The following EXT1 variants were observed in gnomAD, a reference collection of about 807,000 sequenced individuals.
The protein encoded by EXT1 is exostosin-1.
In EXT1, 20 loss-of-function variants were observed where a neutral mutation model predicts 82.5. The observed-to-expected ratio is 0.24, with a 90% confidence interval of 0.17 to 0.35. The LOEUF is 0.35. Among genes scored for constraint, EXT1 ranks in the 10% least tolerant of loss-of-function variants. EXT1 has a pLI of 1.00. For missense variants in EXT1, 757 were observed against 936.5 expected (o/e 0.81, Z 2.50); for synonymous variants, 348 against 350.8 (o/e 0.99, Z 0.09).
At chr8:117,841,552 G>A (rs1472034296) in intron 1 of EXT1, among the ~76,000 whole-genome samples, 1 of 152,112 alleles carries the variant, frequency 6.6e-6, no homozygotes, top group Admixed American at 6.6e-5. Flanking sequence ...TAAGCAAGAA[G>A]GTAAGTAGGT....
chr8:118,063,640 C>A lies in EXT1; in HGVS notation c.962+46445G>T, dbSNP rs147850570. Among the ~76,000 whole-genome samples, 640 of 152,316 alleles carry A rather than the reference C, an allele frequency of 4.2e-3. 5 individuals carry two copies. Among genetic ancestry groups the A allele is most frequent in the African/African-American group, 0.014 (591 of 41,560 alleles). Reference sequence around the variant, plus strand: ...TACTGAGGGGTCTGTTTAAGCATGACAAACTAAAAATCCTCTTACAAACAC... The same window carrying A: ...TACTGAGGGGTCTGTTTAAGCATGAAAAACTAAAAATCCTCTTACAAACAC... On this transcript the variant is annotated intron_variant, in intron 1 of 10. Transcript: ENST00000378204.
At chr8:118,026,562 G>C (rs1816206328) in intron 1 of EXT1, among the ~76,000 whole-genome samples, 1 of 151,862 alleles carries the variant, frequency 6.6e-6, no homozygotes, top group Admixed American at 6.6e-5. Context: ...CAACATCTGG[G>C]GTATGACCTA....
chr8:117,843,447 G>A (rs1300697542), intron 1 of EXT1, among the ~76,000 whole-genome samples: 1 of 152,166 alleles, frequency 6.6e-6, no homozygotes, highest in Non-Finnish European at 1.5e-5. Flanking sequence ...AATCTTAAAG[G>A]ATGTACAAGA....
At chr8:117,892,241 C>T (rs112199754) in intron 1 of EXT1, among the ~76,000 whole-genome samples, 1 of 152,214 alleles carries the variant, frequency 6.6e-6, no homozygotes, top group Non-Finnish European at 1.5e-5. Flanking sequence ...CAGAACTACA[C>T]AGGCCACTGC....
intron 1 of EXT1, among the ~76,000 whole-genome samples, chr8:118,069,960 T>C (rs3885877): frequency 1.3e-5 from 2 of 152,170 alleles, no homozygotes; most frequent in African/African-American, 4.8e-5. Flanking sequence ...TATCCTCACA[T>C]ACACATTTTA....
rs1401060657 is a variant in EXT1, at chr8:118,110,642, T to C, written c.405A>G (p.Leu135=). The C allele has an allele frequency of 3.7e-6, 6 of 1,614,032 alleles. No homozygotes were observed. The highest frequency in any genetic ancestry group is 1.7e-5 in the Admixed American group (1 of 60,006). The change falls in exon 1 of 11, where the codon CTA becomes CTG. Residue 135 remains leucine, a synonymous_variant. Transcript: ENST00000378204. Reference sequence around the variant, plus strand: ...AGAACCTGGAGCCCTCGATGGCCGCTAGAATGTTTTGGTAACTTTCGGCGA... The same window carrying C: ...AGAACCTGGAGCCCTCGATGGCCGCCAGAATGTTTTGGTAACTTTCGGCGA... ...EKIAESYQNI[L]AAIEGSRFYT...
In EXT1 at chr8:117,797,245, G is replaced by A. The variant is rs1049990980; in HGVS notation, c.*2467C>T. On this transcript the variant is annotated 3_prime_UTR_variant, in exon 11 of 11. Coordinates refer to ENST00000378204, the MANE Select transcript of EXT1 (RefSeq NM_000127.3). ...ATTCCCAGCCTTATATTCCAAATGG[G>A]AGAAGAACACGCTAGCTCACATCCC... The A allele has an allele frequency of 2.0e-5, 3 of 152,230 alleles. No homozygotes were observed. The highest frequency in any genetic ancestry group is 7.2e-5 in the African/African-American group (3 of 41,468). 9.4% of individuals were successfully genotyped at this position (152,230 alleles called of 1,614,324 possible).
intron 1 of EXT1, among the ~76,000 whole-genome samples, chr8:118,102,139 T>C (rs1817730346): frequency 6.6e-6 from 1 of 151,818 alleles, no homozygotes; most frequent in Admixed American, 6.6e-5. Flanking sequence ...TGGTGGTGGG[T>C]GCCTGTAATC....
chr8:117,869,107 C>T (rs929756982), intron 1 of EXT1, among the ~76,000 whole-genome samples: 4 of 152,220 alleles, frequency 2.6e-5, no homozygotes, highest in African/African-American at 9.6e-5. Context: ...CAGGCCCCCA[C>T]CCAGTGTCTG....
intron 1 of EXT1, among the ~76,000 whole-genome samples, chr8:117,912,877 A>C (rs1012352965): frequency 4.6e-5 from 7 of 152,224 alleles, no homozygotes; most frequent in Non-Finnish European, 1.0e-4. Flanking sequence ...TAAGAACTAA[A>C]TAAGACAAGG....
intron 1 of EXT1, among the ~76,000 whole-genome samples, chr8:118,064,922 G>A (rs1354490056): frequency 3.4e-5 from 5 of 147,900 alleles, no homozygotes; most frequent in African/African-American, 5.0e-5. Flanking sequence ...GGACAATCTC[G>A]GCTCACTGCA....
At chr8:118,084,988 T>C (rs1817391850) in intron 1 of EXT1, among the ~76,000 whole-genome samples, 1 of 152,236 alleles carries the variant, frequency 6.6e-6, no homozygotes, top group South Asian at 2.1e-4. Context: ...ATCCATATTG[T>C]ATTACAATAG....
At chr8:118,023,415 C>A (rs1243046544) in intron 1 of EXT1, among the ~76,000 whole-genome samples, 1 of 152,180 alleles carries the variant, frequency 6.6e-6, no homozygotes, top group Non-Finnish European at 1.5e-5. Context: ...TTCTTCCTGG[C>A]TTTGGCTAAG....
chr8:118,061,822 A>C (rs1226145270), intron 1 of EXT1, among the ~76,000 whole-genome samples: 3 of 152,262 alleles, frequency 2.0e-5, no homozygotes, highest in African/African-American at 7.2e-5. Context: ...CATCTTTGCA[A>C]AAGATTTGTA....
At position 118,023,842 on chromosome 8, in the gene EXT1, C is replaced by T. The variant is rs574672375; in HGVS notation, c.962+86243G>A. ...GCACAGATACAGAGCCGCTCATTAA[C>T]GATAATGCCAGTTCCAGAATTAGCA... On this transcript the variant is annotated intron_variant, in intron 1 of 10. Coordinates refer to ENST00000378204, the MANE Select transcript of EXT1 (RefSeq NM_000127.3). Among the ~76,000 whole-genome samples the T allele has an allele frequency of 9.2e-5, 14 of 152,376 alleles. No homozygotes were observed. The South Asian group carries it at 1.9e-3, about 20-fold the overall frequency.
At chr8:118,054,956 G>GTA (rs34579101) in intron 1 of EXT1, among the ~76,000 whole-genome samples, 60,946 of 149,496 alleles carry the variant, frequency 0.41, 12,523 homozygotes, top group Middle Eastern at 0.52. Flanking sequence ...GTATGTATAT[G>GTA]TATATATATA....
chr8:118,042,589 G>T (rs939565052), intron 1 of EXT1, among the ~76,000 whole-genome samples: 2 of 152,092 alleles, frequency 1.3e-5, no homozygotes, highest in Non-Finnish European at 2.9e-5. Context: ...GCCTCTGGGG[G>T]CACCTGGCCC....
chr8:117,817,265 T>C (rs529888545), intron 7 of EXT1, among the ~76,000 whole-genome samples: 2 of 152,298 alleles, frequency 1.3e-5, no homozygotes, highest in South Asian at 4.1e-4. Context: ...ATCTTGTCCT[T>C]GTGACAGTTA....
intron 1 of EXT1, among the ~76,000 whole-genome samples, chr8:118,088,085 T>TC (rs1817456621): frequency 2.0e-5 from 3 of 152,056 alleles, no homozygotes; most frequent in Admixed American, 2.0e-4. Flanking sequence ...AACTGCTGAA[T>TC]CCCCCTTCTT....
Sources: gnomAD v4.1 joint callset for allele counts (sites outside exome capture counted in the v4.1 genomes callset) on GRCh38, gnomAD v4.1.1 for gene constraint, MANE v1.5 for transcripts, NCBI Gene and HGNC (gene_info 2026-07-23, HGNC 2026-07-21) for gene names.